Variants in SLC4A4 observed in about 807,000 individuals in gnomAD.
The protein encoded by SLC4A4 is electrogenic sodium bicarbonate cotransporter 1.
A neutral mutation model predicts 111.5 loss-of-function variants in SLC4A4; 27 were observed. The ratio of observed to expected loss-of-function variants is 0.24; its 90% CI spans 0.18 to 0.33. The LOEUF (loss-of-function observed/expected upper bound fraction) is 0.33. SLC4A4 is among the 10% of genes least tolerant of loss of function. The pLI is 1.00. For synonymous variants in SLC4A4, 443 were observed against 463.4 expected, an observed-to-expected ratio of 0.96 and a Z score of 0.57; for missense variants, 909 against 1,315.5, an observed-to-expected ratio of 0.69 and a Z score of 4.78.
intron 15 of SLC4A4, among the ~76,000 whole-genome samples, chr4:71,493,438 G>T (rs1327370982): frequency 6.6e-6 from 1 of 151,978 alleles, no homozygotes; most frequent in Non-Finnish European, 1.5e-5. Context: ...CATGATGACA[G>T]ATTTCGTTTG....
In SLC4A4 at chr4:71,111,579, A is replaced by G. The variant is rs1420011828; in HGVS notation, c.-2+18787A>G. Reference sequence around the variant, plus strand: ...TATTTTTAGTAGAGATGGGGGTTTCACCATGTTGGCCAGGCTGGTCTTGAA... The same window carrying G: ...TATTTTTAGTAGAGATGGGGGTTTCGCCATGTTGGCCAGGCTGGTCTTGAA... On this transcript the variant is annotated intron_variant, in intron 2 of 26. Transcript: ENST00000649996. 1.3e-4 allele frequency among the ~76,000 whole-genome samples: 15 copies of G among 117,796 alleles called. No homozygotes were observed. The Admixed American group carries it at 1.8e-3, about 14-fold the overall frequency. 77.3% of individuals were successfully genotyped at this position (117,796 alleles called of 152,430 possible).
intron 7 of SLC4A4, among the ~76,000 whole-genome samples, chr4:71,415,225 A>G (rs1166789985): frequency 6.6e-6 from 1 of 152,222 alleles, no homozygotes; most frequent in Non-Finnish European, 1.5e-5. Context: ...AAACTGGTGG[A>G]AGAAATTTCT....
chr4:71,215,066 G>C (rs1718343315), intron 1 of SLC4A4, among the ~76,000 whole-genome samples: 1 of 152,192 alleles, frequency 6.6e-6, no homozygotes, highest in Non-Finnish European at 1.5e-5. Flanking sequence ...GGCATGCTGA[G>C]AGAATAAATA....
chr4:71,312,687 A>G (rs763813569), intron 3 of SLC4A4, among the ~76,000 whole-genome samples: 2 of 152,232 alleles, frequency 1.3e-5, no homozygotes, highest in African/African-American at 2.4e-5. Context: ...GATTATCTCA[A>G]TAGATGCAGA....
intron 12 of SLC4A4, among the ~76,000 whole-genome samples, chr4:71,466,040 C>T (rs183087187): frequency 8.5e-5 from 13 of 152,138 alleles, no homozygotes; most frequent in East Asian, 7.8e-4. Context: ...ATGTGCAAGG[C>T]GAAATCAGGC....
In SLC4A4 at chr4:71,360,586, G is replaced by T. The variant is rs116237841; in HGVS notation, c.730+3399G>T. Among the ~76,000 whole-genome samples the T allele has an allele frequency of 3.7e-3, 562 of 152,074 alleles. 2 individuals carry two copies. The highest frequency in any genetic ancestry group is 0.013 in the African/African-American group (537 of 41,482). ...TCATTGTTTCACTTTTGTCTTATTG[G>T]TTAACATACATAATAATATTAATCA... On this transcript the variant is annotated intron_variant, in intron 6 of 25. Transcript: ENST00000264485.
At chr4:71,556,640 G>A (rs980733248) in intron 21 of SLC4A4, among the ~76,000 whole-genome samples, 1 of 151,676 alleles carries the variant, frequency 6.6e-6, no homozygotes, top group Non-Finnish European at 1.5e-5. Context: ...TTTCTTTCTC[G>A]ATTCTCCCTT....
chr4:71,289,064 T>C (rs532969712), intron 3 of SLC4A4, among the ~76,000 whole-genome samples: 1 of 152,250 alleles, frequency 6.6e-6, no homozygotes, highest in African/African-American at 2.4e-5. Flanking sequence ...TTGTTATACC[T>C]CTGGGAGTAG....
chr4:71,064,946 A>G (rs1293130692), intron 1 of SLC4A4, among the ~76,000 whole-genome samples: 1 of 152,192 alleles, frequency 6.6e-6, no homozygotes. Context: ...CAAGGTGTTA[A>G]CTTGTTTTTC....
intron 2 of SLC4A4, among the ~76,000 whole-genome samples, chr4:71,144,448 A>G (rs969613005): frequency 2.0e-5 from 3 of 152,090 alleles, no homozygotes; most frequent in Non-Finnish European, 4.4e-5. Context: ...TTGGTTCCTT[A>G]TGAACTTTAA....
At chr4:71,088,676 C>T (rs1458740916) in intron 1 of SLC4A4, among the ~76,000 whole-genome samples, 1 of 151,894 alleles carries the variant, frequency 6.6e-6, no homozygotes, top group East Asian at 1.9e-4. Flanking sequence ...CTTAGTTTGG[C>T]TGGATATGAA....
chr4:71,165,575 G>C (rs982243234), intron 2 of SLC4A4, among the ~76,000 whole-genome samples: 4 of 152,070 alleles, frequency 2.6e-5, no homozygotes, highest in Admixed American at 1.3e-4. Context: ...CTAGGGGACA[G>C]GATAGCATTA....
intron 2 of SLC4A4, among the ~76,000 whole-genome samples, chr4:71,150,531 G>A (rs766945888): frequency 1.3e-5 from 2 of 152,154 alleles, no homozygotes; most frequent in East Asian, 1.9e-4. Flanking sequence ...AACTAAATGC[G>A]TTACCTAAAT....
intron 3 of SLC4A4, among the ~76,000 whole-genome samples, chr4:71,283,520 T>A (rs887240030): frequency 5.3e-5 from 8 of 152,258 alleles, no homozygotes; most frequent in African/African-American, 1.9e-4. Flanking sequence ...CACTCTTCTC[T>A]AATATGTGCC....
intron 12 of SLC4A4, among the ~76,000 whole-genome samples, chr4:71,456,715 A>C (rs779003303): frequency 7.9e-5 from 12 of 152,160 alleles, no homozygotes; most frequent in Non-Finnish European, 1.6e-4. Context: ...CAGGAATTCC[A>C]ATTTTGAATC....
At chr4:71,368,611 C>T (rs1199811455) in intron 6 of SLC4A4, among the ~76,000 whole-genome samples, 1 of 152,336 alleles carries the variant, frequency 6.6e-6, no homozygotes, top group Admixed American at 6.5e-5. Context: ...ATACGACACC[C>T]TGCCCCCTGT....
At chr4:71,306,365 G>A (rs910999350) in intron 3 of SLC4A4, among the ~76,000 whole-genome samples, 6 of 152,124 alleles carry the variant, frequency 3.9e-5, no homozygotes, top group Non-Finnish European at 5.9e-5. Context: ...GGTGGATCAT[G>A]AGGTCAAGAG....
intron 2 of SLC4A4, among the ~76,000 whole-genome samples, chr4:71,109,663 C>A (rs1743036034): frequency 1.3e-5 from 2 of 151,890 alleles, no homozygotes; most frequent in African/African-American, 4.8e-5. Context: ...ATGCCTCAGC[C>A]TCCCAAGAAG....
chr4:71,096,300 T>C (rs930039929), intron 2 of SLC4A4, among the ~76,000 whole-genome samples: 8 of 152,052 alleles, frequency 5.3e-5, no homozygotes, highest in Non-Finnish European at 1.0e-4. Context: ...AATACAGTAG[T>C]AGCTAGGGTA....
Sources: gnomAD v4.1 joint callset for allele counts (sites outside exome capture counted in the v4.1 genomes callset) on GRCh38, gnomAD v4.1.1 for gene constraint, MANE v1.5 for transcripts, NCBI Gene and HGNC (gene_info 2026-07-23, HGNC 2026-07-21) for gene names.